Variants in UNC13B observed in about 807,000 individuals in gnomAD.
The protein encoded by UNC13B is unc-13 homolog B, also known as protein unc-13 homolog B.
In UNC13B, 144 loss-of-function variants were observed where a neutral mutation model predicts 211.0. The observed-to-expected ratio is 0.68, with a 90% CI of 0.60 to 0.78. The LOEUF is 0.78. UNC13B is among the 30% of genes least tolerant of loss of function. The pLI, the probability that UNC13B is intolerant of heterozygous loss-of-function variation, is 0.00. For synonymous variants in UNC13B, 709 were observed against 725.8 expected (o/e 0.98, Z 0.37); for missense variants, 1,777 against 2,002.0 (o/e 0.89, Z 2.14).
At chr9:35,286,595 C>T (rs1362168915) in intron 7 of UNC13B, among the ~76,000 whole-genome samples, 1 of 151,936 alleles carries the variant, frequency 6.6e-6, no homozygotes. Context: ...CACAGTGGCT[C>T]CTGTCTGTAA....
intron 7 of UNC13B, 50 bp downstream of exon 7, chr9:35,259,100 G>A (rs370483876): frequency 1.0e-5 from 16 of 1,588,408 alleles, no homozygotes; most frequent in Admixed American, 3.4e-5. Flanking sequence ...GCTTTCTGTC[G>A]CTTCTCTGAA....
At chr9:35,375,103 C>G (rs993879604) in intron 13 of UNC13B, 24 bp from the exon 14 acceptor site, 10 of 1,613,602 alleles carry the variant, frequency 6.2e-6, no homozygotes, top group Non-Finnish European at 8.5e-6. Flanking sequence ...GTGGTCAGGG[C>G]TAACAGCAGA....
intron 1 of UNC13B, among the ~76,000 whole-genome samples, chr9:35,212,158 A>G (rs866625723): frequency 6.6e-6 from 1 of 152,246 alleles, no homozygotes; most frequent in Non-Finnish European, 1.5e-5. Context: ...CTTTTGCATG[A>G]AGTTAGACCC....
Position 35,394,470 on chromosome 9 carries a change from T to C in UNC13B, c.11309-2006T>C, listed in dbSNP as rs530943250. 2.0e-4 allele frequency among the ~76,000 whole-genome samples: 30 copies of C among 152,002 alleles called. No individual in the cohort carries two copies. In the East Asian group the frequency reaches 4.7e-3, roughly 24 times the overall value. ...CATTAGCCAGGTGTGCTGGCACATG[T>C]CTGTAATCCCAGCTACTCAGGAGCC... On this transcript the variant is annotated intron_variant, in intron 26 of 39. Coordinates refer to ENST00000635942, the MANE Select transcript of UNC13B (RefSeq NM_001371189.2).
At chr9:35,389,749 G>A (rs1197379607) in intron 24 of UNC13B, 97 bp from the exon 25 acceptor site, 6 of 1,337,898 alleles carry the variant, frequency 4.5e-6, no homozygotes, top group Non-Finnish European at 6.3e-6. Flanking sequence ...AGAGGAAGAG[G>A]TATAGGAAGG....
chr9:35,243,458 C>T (rs1825919403), intron 6 of UNC13B, 94 bp downstream of exon 6: 2 of 1,286,468 alleles, frequency 1.6e-6, no homozygotes, highest in Non-Finnish European at 2.2e-6. Context: ...AGCATGTTGT[C>T]CTGAGAATGA....
At chr9:35,267,527 G>A (rs1214113290) in intron 7 of UNC13B, among the ~76,000 whole-genome samples, 1 of 152,224 alleles carries the variant, frequency 6.6e-6, no homozygotes, top group Non-Finnish European at 1.5e-5. Flanking sequence ...TCAGTATTCA[G>A]AGCAGTCTTC....
chr9:35,219,475 G>A (rs1321778823), intron 1 of UNC13B, among the ~76,000 whole-genome samples: 3 of 152,106 alleles, frequency 2.0e-5, no homozygotes, highest in African/African-American at 7.2e-5. Context: ...AAATTAGCCA[G>A]GTGTGGTGGC....
Position 35,297,547 on chromosome 9 carries a change from C to CTTTTTTTTTT in UNC13B, c.761+1628_761+1637dup, listed in dbSNP as rs774525517. 1.2e-4 allele frequency among the ~76,000 whole-genome samples: 12 copies of CTTTTTTTTTT among 100,876 alleles called. 2 individuals carry two copies. The highest frequency in any genetic ancestry group is 4.5e-4 in the African/African-American group (11 of 24,398). 66.2% of individuals were successfully genotyped at this position (100,876 alleles called of 152,430 possible). ...TGCATTCAGGAAGCACATACTTTGTCTTTTTTTTTTTTTTTTTTTTGAGAC... is the reference window on the plus strand; with the variant it reads ...TGCATTCAGGAAGCACATACTTTGTCTTTTTTTTTTTTTTTTTTTTTTTTTTTTTTGAGAC... On this transcript the variant is annotated intron_variant, in intron 8 of 39. Transcript: ENST00000635942.
chr9:35,396,792 G>A (rs534176492), intron 27 of UNC13B, 49 bp from the exon 28 acceptor site: 118 of 1,610,724 alleles, frequency 7.3e-5, no homozygotes, highest in Middle Eastern at 1.7e-4. Context: ...AGGAAGTGGC[G>A]TATTCCCACC....
At chr9:35,206,615 C>T (rs1383801453) in intron 1 of UNC13B, among the ~76,000 whole-genome samples, 2 of 151,762 alleles carry the variant, frequency 1.3e-5, no homozygotes, top group Non-Finnish European at 2.9e-5. Flanking sequence ...GTGGCTCACA[C>T]CTGTAATCCC....
chr9:35,391,069 A>C (rs1835501618), intron 26 of UNC13B, among the ~76,000 whole-genome samples: 1 of 152,122 alleles, frequency 6.6e-6, no homozygotes, highest in Non-Finnish European at 1.5e-5. Context: ...GAATCAGAGA[A>C]CCTTAAATAC....
At chr9:35,211,354 T>C (rs1490845008) in intron 1 of UNC13B, among the ~76,000 whole-genome samples, 1 of 152,182 alleles carries the variant, frequency 6.6e-6, no homozygotes. Context: ...TTATCGTGTG[T>C]GTGTGTGTCA....
Position 35,302,885 on chromosome 9 carries a change from T to G in UNC13B, c.3481T>G (p.Leu1161Val). The G allele has an allele frequency of 2.5e-6, 1 of 398,626 alleles. No homozygotes were observed. The highest frequency in any genetic ancestry group is 4.4e-6 in the Non-Finnish European group (1 of 225,756). The allele number at this position is 398,626 out of a possible 1,614,324, so 24.7% of individuals were successfully genotyped here. The stretch of plus-strand genomic sequence containing the variant: ...TAATAGGTTTTCTTCTGCTGAAAAT[T>G]TGTCTAGTCAAGAATTAAATTTGAA... ...LFNRFSSAEN[L>V]SSQELNLKND... The change falls in exon 9 of 40, where the codon TTG (leucine) becomes GTG (valine). Residue 1161 changes from leucine to valine, a missense_variant. Coordinates refer to ENST00000635942, the MANE Select transcript of UNC13B (RefSeq NM_001371189.2).
chr9:35,346,909 A>G (rs2132040902), intron 11 of UNC13B, among the ~76,000 whole-genome samples: 1 of 151,798 alleles, frequency 6.6e-6, no homozygotes, highest in Non-Finnish European at 1.5e-5. Flanking sequence ...CCTGAATTAA[A>G]TGCTTACTTT....
rs1361550283 is a variant in UNC13B, at chr9:35,301,109, A to C, written c.1705A>C (p.Thr569Pro). The C allele has an allele frequency of 2.5e-6, 1 of 398,802 alleles. No homozygotes were observed. The highest frequency in any genetic ancestry group is 2.1e-5 in the African/African-American group (1 of 48,614). The allele number at this position is 398,802 out of a possible 1,614,324, so 24.7% of individuals were successfully genotyped here. A position where few individuals can be genotyped will look rare whatever the true frequency, so the allele number is the denominator to read the frequency against. The change falls in exon 9 of 40, where the codon ACA (threonine) becomes CCA (proline). Residue 569 changes from threonine (T) to proline (P), a missense_variant. Coordinates refer to ENST00000635942, the MANE Select transcript of UNC13B (RefSeq NM_001371189.2). ...EKLVSLVPEK[T>P]ETLNQIEAIN... is the part of the protein sequence containing the mutation. ...GTTGGTTTCCTTAGTTCCAGAAAAA[A>C]CAGAAACTCTTAATCAAATAGAGGC...
intron 37 of UNC13B, among the ~76,000 whole-genome samples, chr9:35,401,031 A>G (rs1836265538): frequency 1.3e-5 from 2 of 152,208 alleles, no homozygotes; most frequent in Admixed American, 1.3e-4. Flanking sequence ...TTCAGTCCTC[A>G]GAACCCCTCC....
intron 1 of UNC13B, among the ~76,000 whole-genome samples, chr9:35,190,171 C>T (rs1270004277): frequency 6.6e-6 from 1 of 152,212 alleles, no homozygotes; most frequent in Non-Finnish European, 1.5e-5. Context: ...TGCAGTGCTT[C>T]TACTGTGCAT....
intron 1 of UNC13B, among the ~76,000 whole-genome samples, chr9:35,193,261 T>A (rs1350305040): frequency 6.6e-6 from 1 of 152,136 alleles, no homozygotes; most frequent in Admixed American, 6.5e-5. Context: ...TGCTAAAGTG[T>A]TTACCCTTAG....
Sources: allele counts gnomAD v4.1 joint callset (sites outside exome capture counted in the v4.1 genomes callset), GRCh38; gene constraint gnomAD v4.1.1; transcripts MANE v1.5; gene names NCBI Gene and HGNC (gene_info 2026-07-23, HGNC 2026-07-21).